The following CTTN variants were observed in gnomAD, a reference collection of about 807,000 sequenced individuals.
CTTN encodes the protein cortactin.
Under a neutral mutation model 84.0 loss-of-function variants are expected in CTTN, and 28 were observed. That is an observed-to-expected ratio of 0.33 (90% confidence interval 0.25 to 0.46). CTTN has a LOEUF of 0.46. Ranked by LOEUF, CTTN falls within the 20% of genes least tolerant of loss-of-function variation. The pLI, the probability that CTTN is intolerant of heterozygous loss-of-function variation, is 1.00. For synonymous variants in CTTN, 301 were observed against 288.8 expected (o/e 1.04, Z -0.43); for missense variants, 641 against 723.8 (o/e 0.89, Z 1.31).
chr11:70,435,313 T>C lies in CTTN; in HGVS notation c.*151T>C. ...GAGGGGAATATACACATTGCTTTTATATTTAATACTTTTGCTGATGCTTTT... is the reference window on the plus strand; with the variant it reads ...GAGGGGAATATACACATTGCTTTTACATTTAATACTTTTGCTGATGCTTTT... On this transcript the variant is annotated 3_prime_UTR_variant, in exon 18 of 18. Transcript: ENST00000301843. The C allele has an allele frequency of 1.4e-6, 2 of 1,425,396 alleles. No individual in the cohort carries two copies. Among genetic ancestry groups the C allele is most frequent in the Non-Finnish European group, 1.8e-6 (2 of 1,091,634 alleles). 88.3% of individuals were successfully genotyped at this position (1,425,396 alleles called of 1,614,324 possible).
intron 5 of CTTN, among the ~76,000 whole-genome samples, chr11:70,413,926 A>C (rs1375423596): frequency 6.6e-6 from 1 of 152,212 alleles, no homozygotes; most frequent in Non-Finnish European, 1.5e-5. Context: ...ATCCTGCCAC[A>C]GGCTGCCAGC....
intron 10 of CTTN, 109 bp from the exon 11 acceptor site, chr11:70,421,361 C>T: frequency 2.5e-6 from 2 of 808,014 alleles, no homozygotes; most frequent in Non-Finnish European, 4.3e-6. Context: ...TCAGGAGAGC[C>T]CTTGCTTTCT....
At chr11:70,415,219 AAGG>A (rs2058144132) in intron 6 of CTTN, among the ~76,000 whole-genome samples, 2 of 152,176 alleles carry the variant, frequency 1.3e-5, no homozygotes, top group Non-Finnish European at 2.9e-5. Context: ...GTGTCTGTGA[AAGG>A]AGGATGATCA....
Position 70,436,012 on chromosome 11 carries a change from G to A in CTTN, c.*850G>A. ...CACCCATATGGTCCCTGGGCCACCGGGCAGCCTGGGGCGGTGTGTGTGCCA... is the reference window on the plus strand; with the variant it reads ...CACCCATATGGTCCCTGGGCCACCGAGCAGCCTGGGGCGGTGTGTGTGCCA... On this transcript the variant is annotated 3_prime_UTR_variant, in exon 18 of 18. Transcript: ENST00000301843. 1 of 1,426,542 alleles carries A rather than the reference G, an allele frequency of 7.0e-7. No homozygotes were observed. Among genetic ancestry groups the A allele is most frequent in the Non-Finnish European group, 9.1e-7 (1 of 1,097,018 alleles). The allele number at this position is 1,426,542 out of a possible 1,614,324, so 88.4% of individuals were successfully genotyped here. A position where few individuals can be genotyped will look rare whatever the true frequency, so the allele number is the denominator to read the frequency against.
rs1565489101 is a variant in CTTN at position 70,409,861 on chromosome 11, A to G, written c.192A>G (p.Gln64=). The change falls in exon 5 of 18, where the codon CAA becomes CAG. Residue 64 remains glutamine (Q), a synonymous_variant. Transcript: ENST00000301843. ...NIHKLRENVF[Q]EHQTLKEKEL... The stretch of plus-strand genomic sequence containing the variant: ...ACAAGCTGAGGGAGAATGTCTTTCA[A>G]GAGCATCAGACCCTTAAGGAGAAGG... The G allele has an allele frequency of 6.2e-7, 1 of 1,614,140 alleles. No individual in the cohort carries two copies. The highest frequency in any genetic ancestry group is 1.3e-5 in the African/African-American group (1 of 75,060).
intron 14 of CTTN, among the ~76,000 whole-genome samples, chr11:70,430,452 T>G (rs1318123469): frequency 2.6e-5 from 4 of 152,074 alleles, no homozygotes; most frequent in African/African-American, 7.2e-5. Flanking sequence ...TGTCTTCCCA[T>G]CTCCAGCCTC....
At chr11:70,430,332 GCCGTAGTCA>G (rs1264271642) in intron 14 of CTTN, among the ~76,000 whole-genome samples, 1 of 152,216 alleles carries the variant, frequency 6.6e-6, no homozygotes, top group Non-Finnish European at 1.5e-5. Flanking sequence ...TCCTGTTGCT[GCCGTAGTCA>G]CCACCACACA....
intron 13 of CTTN, among the ~76,000 whole-genome samples, chr11:70,428,801 T>C (rs2058324893): frequency 6.6e-6 from 1 of 152,254 alleles, no homozygotes; most frequent in African/African-American, 2.4e-5. Context: ...TACCGTCTTA[T>C]TTAGAGATCT....
At position 70,431,182 on chromosome 11, in the gene CTTN, C is replaced by T. The variant is rs1341018907; in HGVS notation, c.1177-9C>T. On this transcript the variant is annotated splice_polypyrimidine_tract_variant and intron_variant, in intron 14 of 17. Transcript: ENST00000301843. ...CAGCATTCTGATTGCTGTTTGTTTTCAATCACAGGAGCAAGCCAGAGCCAA... is the reference window on the plus strand; with the variant it reads ...CAGCATTCTGATTGCTGTTTGTTTTTAATCACAGGAGCAAGCCAGAGCCAA... 2 of 1,613,838 alleles carry T rather than the reference C, an allele frequency of 1.2e-6. No homozygotes were observed. Among genetic ancestry groups the T allele is most frequent in the Non-Finnish European group, 1.7e-6 (2 of 1,179,866 alleles).
At chr11:70,413,385 A>G (rs905619587) in intron 5 of CTTN, among the ~76,000 whole-genome samples, 1 of 152,112 alleles carries the variant, frequency 6.6e-6, no homozygotes, top group East Asian at 1.9e-4. Context: ...GAGCCTCAGA[A>G]CCCTGGGGCC....
intron 15 of CTTN, 101 bp downstream of exon 15, chr11:70,431,381 G>T: frequency 1.6e-6 from 2 of 1,289,498 alleles, no homozygotes; most frequent in Non-Finnish European, 1.1e-6. Flanking sequence ...GCAGTGTGGC[G>T]TGGGTGTAGA....
intron 14 of CTTN, among the ~76,000 whole-genome samples, chr11:70,430,335 G>A (rs1565499761): frequency 6.6e-6 from 1 of 152,214 alleles, no homozygotes; most frequent in African/African-American, 2.4e-5. Flanking sequence ...TGTTGCTGCC[G>A]TAGTCACCAC....
intron 13 of CTTN, among the ~76,000 whole-genome samples, chr11:70,428,832 G>A (rs2058325120): frequency 6.6e-6 from 1 of 152,240 alleles, no homozygotes; most frequent in Admixed American, 6.5e-5. Context: ...AGGCTTAGGG[G>A]GATTGCCAGT....
At chr11:70,407,174 G>A (rs191457004) in intron 2 of CTTN, 124 bp from the exon 3 acceptor site, 30 of 697,574 alleles carry the variant, frequency 4.3e-5, no homozygotes, top group Non-Finnish European at 4.9e-5. Flanking sequence ...AGGATTGGCT[G>A]GTCCTGCAGC....
chr11:70,421,905 G>A (rs2058240843), intron 11 of CTTN: 1 of 314,264 alleles, frequency 3.2e-6, no homozygotes. Context: ...GCCCGAGGCT[G>A]TTCTGCTGTT....
At position 70,409,837 on chromosome 11, in the gene CTTN, C is replaced by T; in HGVS notation, c.168C>T (p.His56=). 1 of 1,614,072 alleles carries T rather than the reference C, an allele frequency of 6.2e-7. No homozygotes were observed. Among genetic ancestry groups the T allele is most frequent in the East Asian group, 2.2e-5 (1 of 44,892 alleles). Reference sequence around the variant, plus strand: ...TTTCATCTCTTCCATCAAGCATACACAAGCTGAGGGAGAATGTCTTTCAAG... The same window carrying T: ...TTTCATCTCTTCCATCAAGCATACATAAGCTGAGGGAGAATGTCTTTCAAG... The part of the protein sequence containing the change: ...GSGHQEHINI[H]KLRENVFQEH... The change falls in exon 5 of 18, where the codon CAC becomes CAT. Residue 56 remains histidine (H), a synonymous_variant. Transcript: ENST00000301843.
intron 1 of CTTN, among the ~76,000 whole-genome samples, 190 bp downstream of exon 1, chr11:70,398,804 G>A (rs1490338921): frequency 6.6e-6 from 1 of 151,804 alleles, no homozygotes; most frequent in Non-Finnish European, 1.5e-5. Context: ...GGCGAGGGCC[G>A]GGGGTCCGCG....
At chr11:70,406,514 A>G (rs149390057) in intron 2 of CTTN, among the ~76,000 whole-genome samples, 233 of 151,042 alleles carry the variant, frequency 1.5e-3, no homozygotes, top group African/African-American at 5.5e-3. Context: ...CTTTTTATAC[A>G]TAGTTTGAAA....
chr11:70,434,699 C>T (rs2058395141), intron 17 of CTTN, among the ~76,000 whole-genome samples: 1 of 152,240 alleles, frequency 6.6e-6, no homozygotes, highest in Non-Finnish European at 1.5e-5. Flanking sequence ...CCCACCCCCT[C>T]CACAGACACG....
Sources: gnomAD v4.1 joint callset for allele counts (sites outside exome capture counted in the v4.1 genomes callset) on GRCh38, gnomAD v4.1.1 for gene constraint, MANE v1.5 for transcripts, NCBI Gene and HGNC (gene_info 2026-07-23, HGNC 2026-07-21) for gene names.